PCGF5: variants seen among roughly 807,000 people sequenced by gnomAD.
The protein encoded by PCGF5 is polycomb group RING finger protein 5.
A neutral mutation model predicts 44.3 loss-of-function variants in PCGF5; 9 were observed. The observed-to-expected ratio is 0.20, with a 90% CI of 0.12 to 0.35. PCGF5 has a LOEUF of 0.35. PCGF5 is among the 10% of genes least tolerant of loss of function. The pLI is 1.00. For missense variants in PCGF5, 146 were observed against 305.3 expected (o/e 0.48, Z 3.89); for synonymous variants, 95 against 102.5 (o/e 0.93, Z 0.44).
In PCGF5 at chr10:91,256,458, G is replaced by A. The variant is rs185701187; in HGVS notation, c.475-4868G>A. ...CTCAGAGAGCTGTAGACACCATCAAGCTTACCAGCATACACATAATGGAAG... is the reference window on the plus strand; with the variant it reads ...CTCAGAGAGCTGTAGACACCATCAAACTTACCAGCATACACATAATGGAAG... On this transcript the variant is annotated intron_variant, in intron 6 of 9. Coordinates refer to ENST00000336126, the MANE Select transcript of PCGF5 (RefSeq NM_032373.5). 2.4e-3 allele frequency among the ~76,000 whole-genome samples: 371 copies of A among 152,056 alleles called. 1 individual carries two copies. The highest frequency in any genetic ancestry group is 8.6e-3 in the African/African-American group (357 of 41,508).
chr10:91,177,281 GGGTACCCGGCTGTGTGA>G (rs1843725584), intron 1 of PCGF5, among the ~76,000 whole-genome samples: 1 of 152,196 alleles, frequency 6.6e-6, no homozygotes, highest in Non-Finnish European at 1.5e-5. Context: ...TGTCTCAGAG[GGGTACCCGGCTGTGTGA>G]GGCGTCACTC....
chr10:91,159,894 AG>A (rs1843358379), upstream of PCGF5, among the ~76,000 whole-genome samples: 1 of 152,206 alleles, frequency 6.6e-6, no homozygotes, highest in Non-Finnish European at 1.5e-5. Context: ...TTTGGGCTTC[AG>A]TTCCCTCACT....
rs773389313 is a variant in PCGF5, at chr10:91,264,529, C to T, written c.663+9C>T. The T allele has an allele frequency of 3.2e-6, 5 of 1,585,424 alleles. No homozygotes were observed. Among genetic ancestry groups the T allele is most frequent in the Non-Finnish European group, 4.3e-6 (5 of 1,158,892 alleles). ...GACTAAGAGGCGAAAACGTAAATTGCTTTTATATTTACCTATGTGTTTATT... is the reference window on the plus strand; with the variant it reads ...GACTAAGAGGCGAAAACGTAAATTGTTTTTATATTTACCTATGTGTTTATT... On this transcript the variant is annotated intron_variant, in intron 8 of 9. Coordinates refer to ENST00000336126, the MANE Select transcript of PCGF5 (RefSeq NM_032373.5).
chr10:91,241,815 G>T (rs1198120988), intron 3 of PCGF5, among the ~76,000 whole-genome samples: 2 of 151,998 alleles, frequency 1.3e-5, no homozygotes, highest in African/African-American at 4.8e-5. Flanking sequence ...TGTTTTTCAA[G>T]TTTAATGCCT....
At chr10:91,253,638 C>A (rs1050347263) in intron 6 of PCGF5, among the ~76,000 whole-genome samples, 1 of 152,030 alleles carries the variant, frequency 6.6e-6, no homozygotes, top group Non-Finnish European at 1.5e-5. Context: ...TTCTTTCAAC[C>A]AGTCACTAAG....
intron 1 of PCGF5, among the ~76,000 whole-genome samples, chr10:91,200,124 G>A (rs149107243): frequency 1.3e-5 from 2 of 152,278 alleles, no homozygotes; most frequent in Non-Finnish European, 2.9e-5. Flanking sequence ...TAACTTCCCT[G>A]CATTTTTGCC....
At chr10:91,246,982 G>C (rs906200814) in intron 3 of PCGF5, among the ~76,000 whole-genome samples, 1 of 134,320 alleles carries the variant, frequency 7.4e-6, no homozygotes, top group Non-Finnish European at 1.6e-5. Context: ...TAGATAGATA[G>C]ATAGATAGAT....
chr10:91,161,426 G>GTC (rs1843380440), upstream of PCGF5, among the ~76,000 whole-genome samples: 1 of 152,200 alleles, frequency 6.6e-6, no homozygotes, highest in African/African-American at 2.4e-5. Flanking sequence ...AAGGGTCAGG[G>GTC]TCTACTTCAG....
chr10:91,179,563 T>A (rs189495704), intron 1 of PCGF5, among the ~76,000 whole-genome samples: 2 of 152,316 alleles, frequency 1.3e-5, no homozygotes, highest in Admixed American at 6.5e-5. Flanking sequence ...TATGTTCTCA[T>A]CATTTAGCTC....
At chr10:91,195,881 G>A (rs1445005454) in intron 1 of PCGF5, among the ~76,000 whole-genome samples, 2 of 151,320 alleles carry the variant, frequency 1.3e-5, no homozygotes, top group African/African-American at 4.9e-5. Context: ...AGAGTTAATA[G>A]GGAACAAAGG....
chr10:91,271,186 C>A (rs745890344), intron 8 of PCGF5, among the ~76,000 whole-genome samples: 34 of 151,808 alleles, frequency 2.2e-4, no homozygotes, highest in South Asian at 8.3e-4. Context: ...AAATAGATGC[C>A]TTACAGGTTG....
At chr10:91,223,014 C>T in intron 2 of PCGF5, 31 bp downstream of exon 2, 1 of 1,369,550 alleles carries the variant, frequency 7.3e-7, no homozygotes, top group Non-Finnish European at 1.0e-6. Context: ...TTATACCTAT[C>T]AAAGTTTATA....
upstream of PCGF5, among the ~76,000 whole-genome samples, chr10:91,217,136 C>T (rs1040895743): frequency 6.6e-6 from 1 of 152,076 alleles, no homozygotes; most frequent in Non-Finnish European, 1.5e-5. Context: ...TGGGTTCACG[C>T]CATTCTCCTG....
chr10:91,225,355 T>C (rs530104493), intron 2 of PCGF5, among the ~76,000 whole-genome samples: 2 of 150,372 alleles, frequency 1.3e-5, no homozygotes, highest in East Asian at 3.9e-4. Flanking sequence ...CCTAAAGGGG[T>C]AAATTAAATG....
intron 1 of PCGF5, among the ~76,000 whole-genome samples, chr10:91,171,188 A>G (rs573562064): frequency 1.0e-3 from 153 of 152,362 alleles, no homozygotes; most frequent in Non-Finnish European, 1.7e-3. Flanking sequence ...CCAAATCCCT[A>G]GAATGTAGAA....
chr10:91,177,614 C>T (rs770388889), intron 1 of PCGF5, among the ~76,000 whole-genome samples: 11 of 152,176 alleles, frequency 7.2e-5, no homozygotes, highest in Non-Finnish European at 1.2e-4. Flanking sequence ...GGTGGGCGCC[C>T]GTCCCCCAGC....
chr10:91,238,238 T>C (rs1845220770), intron 2 of PCGF5, among the ~76,000 whole-genome samples: 1 of 152,234 alleles, frequency 6.6e-6, no homozygotes, highest in Non-Finnish European at 1.5e-5. Flanking sequence ...ATCTAGAATA[T>C]AGATTAGTAT....
intron 1 of PCGF5, among the ~76,000 whole-genome samples, chr10:91,204,596 G>A (rs1329427847): frequency 6.6e-6 from 1 of 152,140 alleles, no homozygotes; most frequent in East Asian, 1.9e-4. Context: ...CCAGACAAAT[G>A]TTTGGTTCTC....
At chr10:91,159,048 G>C (rs1843349944), upstream of PCGF5, among the ~76,000 whole-genome samples, 1 of 152,328 alleles carries the variant, frequency 6.6e-6, no homozygotes, top group Non-Finnish European at 1.5e-5. Flanking sequence ...AGGAAATGTA[G>C]AGAAATTGGA....
Sources: gnomAD v4.1 joint callset for allele counts (sites outside exome capture counted in the v4.1 genomes callset) on GRCh38, gnomAD v4.1.1 for gene constraint, MANE v1.5 for transcripts, NCBI Gene and HGNC (gene_info 2026-07-23, HGNC 2026-07-21) for gene names.